The following RBFOX1 variants were observed in gnomAD, a reference collection of about 807,000 sequenced individuals.
RBFOX1 encodes RNA binding protein fox-1 homolog 1.
A neutral mutation model predicts 57.7 loss-of-function variants in RBFOX1; 8 were observed. That is an observed-to-expected ratio of 0.14 (90% CI 0.08 to 0.25). The LOEUF (loss-of-function observed/expected upper bound fraction) is 0.25, where lower values mean the gene tolerates loss of function less well. RBFOX1 is among the 10% of genes least tolerant of loss of function. The pLI is 1.00. For missense variants in RBFOX1, 611 were observed against 548.5 expected (o/e 1.11, Z -1.14); for synonymous variants, 326 against 222.4 (o/e 1.47, Z -4.15).
upstream of RBFOX1, among the ~76,000 whole-genome samples, chr16:6,018,140 A>G (rs1159845297): frequency 1.4e-5 from 2 of 148,086 alleles, no homozygotes; most frequent in Non-Finnish European, 3.0e-5. Flanking sequence ...CCCCTGGAAT[A>G]TTTGTGGAAA....
chr16:7,282,870 T>G (rs1214908881), intron 4 of RBFOX1, among the ~76,000 whole-genome samples: 1 of 152,208 alleles, frequency 6.6e-6, no homozygotes, highest in Non-Finnish European at 1.5e-5. Context: ...CTTAGAATAA[T>G]AGTCTCCAAT....
chr16:7,453,776 T>C (rs887646627), intron 4 of RBFOX1, among the ~76,000 whole-genome samples: 4 of 152,128 alleles, frequency 2.6e-5, no homozygotes, highest in Admixed American at 6.5e-5. Flanking sequence ...GACTGAAGTG[T>C]TGGGCACCCT....
chr16:5,481,111 G>C (rs978118480), intron 2 of RBFOX1, among the ~76,000 whole-genome samples: 6 of 152,196 alleles, frequency 3.9e-5, no homozygotes, highest in African/African-American at 1.2e-4. Context: ...GAGTTAGTTT[G>C]TTCCTCTTCT....
intron 3 of RBFOX1, among the ~76,000 whole-genome samples, chr16:6,915,584 T>C (rs1208591917): frequency 6.8e-6 from 1 of 146,024 alleles, no homozygotes; most frequent in Non-Finnish European, 1.5e-5. Context: ...AGTGTCTTGC[T>C]CTGTCACCCA....
chr16:6,030,226 G>C (rs1488065014), intron 1 of RBFOX1, among the ~76,000 whole-genome samples: 1 of 152,198 alleles, frequency 6.6e-6, no homozygotes, highest in Non-Finnish European at 1.5e-5. Flanking sequence ...GCCCTATGAT[G>C]ATATTTTTGA....
At chr16:6,107,122 G>T (rs2096390360) in intron 1 of RBFOX1, among the ~76,000 whole-genome samples, 1 of 152,200 alleles carries the variant, frequency 6.6e-6, no homozygotes, top group African/African-American at 2.4e-5. Flanking sequence ...TCCTTGGAAA[G>T]TGGTGGTTGT....
At chr16:5,762,473 C>T (rs755840862) in intron 3 of RBFOX1, among the ~76,000 whole-genome samples, 2 of 152,018 alleles carry the variant, frequency 1.3e-5, no homozygotes, top group Non-Finnish European at 2.9e-5. Flanking sequence ...TTTTGTGGGG[C>T]AGTTTGGCAA....
rs577883122 is a variant in RBFOX1, at chr16:6,386,873, A to AAGGCGG, written c.-64+69819_-64+69824dup. Reference sequence around the variant, plus strand: ...AGGAAGGGAAGTATGGGTGGTGAGAAAGGCGGAGAGCTGGAAAGATATTGG... The same window carrying AAGGCGG: ...AGGAAGGGAAGTATGGGTGGTGAGAAAGGCGGAGGCGGAGAGCTGGAAAGATATTGG... On this transcript the variant is annotated intron_variant, in intron 2 of 15. Transcript: ENST00000550418. Among the ~76,000 whole-genome samples, 29 of 152,310 alleles carry AAGGCGG rather than the reference A, an allele frequency of 1.9e-4. No individual in the cohort carries two copies. In the South Asian group the frequency reaches 5.8e-3, roughly 31 times the overall value.
At chr16:5,651,643 G>A (rs2151364634) in intron 3 of RBFOX1, among the ~76,000 whole-genome samples, 2 of 152,252 alleles carry the variant, frequency 1.3e-5, no homozygotes, top group East Asian at 3.9e-4. Flanking sequence ...CATCAGCTGT[G>A]TGAATTCCCA....
rs1053684480 is a variant in RBFOX1 at position 5,908,097 on chromosome 16, C to A, written c.351+40762C>A. Among the ~76,000 whole-genome samples the A allele has an allele frequency of 1.6e-4, 21 of 132,348 alleles. 1 individual carries two copies. The highest frequency in any genetic ancestry group is 6.7e-4 in the African/African-American group (21 of 31,180). 86.8% of individuals were successfully genotyped at this position (132,348 alleles called of 152,430 possible). A position where few individuals can be genotyped will look rare whatever the true frequency, so the allele number is the denominator to read the frequency against. ...ATATATATATATATACACATATATA[C>A]ACATATATATATACACATATATACA... On this transcript the variant is annotated intron_variant, in intron 4 of 19. Transcript: ENST00000641259.
chr16:7,457,443 G>A (rs768542946), intron 4 of RBFOX1, among the ~76,000 whole-genome samples: 8 of 152,120 alleles, frequency 5.3e-5, no homozygotes, highest in Non-Finnish European at 1.0e-4. Flanking sequence ...AAAATCACAC[G>A]TACACGGACA....
intron 3 of RBFOX1, among the ~76,000 whole-genome samples, chr16:6,852,576 G>T (rs182182242): frequency 6.6e-6 from 1 of 152,342 alleles, no homozygotes. Flanking sequence ...GTCCAGGAAA[G>T]GTGCATGTTG....
At chr16:7,069,605 C>T (rs563870312) in intron 4 of RBFOX1, among the ~76,000 whole-genome samples, 1 of 152,254 alleles carries the variant, frequency 6.6e-6, no homozygotes, top group Admixed American at 6.5e-5. Flanking sequence ...CCTGGGTAAG[C>T]AAGAAGCATC....
At chr16:5,734,424 C>T (rs577188441) in intron 3 of RBFOX1, among the ~76,000 whole-genome samples, 2 of 152,006 alleles carry the variant, frequency 1.3e-5, no homozygotes, top group Non-Finnish European at 2.9e-5. Flanking sequence ...CAAGATTCTG[C>T]CAAAAAATAA....
intron 2 of RBFOX1, among the ~76,000 whole-genome samples, chr16:6,405,519 G>C (rs562674838): frequency 8.5e-4 from 129 of 152,206 alleles, no homozygotes; most frequent in African/African-American, 3.0e-3. Flanking sequence ...ATGGAGAATT[G>C]TACACCAGCT....
chr16:6,651,527 C>T (rs1173060149), intron 2 of RBFOX1, among the ~76,000 whole-genome samples: 1 of 152,118 alleles, frequency 6.6e-6, no homozygotes, highest in African/African-American at 2.4e-5. Flanking sequence ...TCATGCCTGT[C>T]CTCTCTTCAT....
At chr16:7,289,017 C>T (rs920718789) in intron 4 of RBFOX1, among the ~76,000 whole-genome samples, 6 of 152,096 alleles carry the variant, frequency 3.9e-5, no homozygotes, top group Admixed American at 3.9e-4. Flanking sequence ...AGTATGGGCA[C>T]CCTGGAGGTT....
At chr16:7,661,082 T>G (rs547282272) in intron 12 of RBFOX1, among the ~76,000 whole-genome samples, 1 of 152,282 alleles carries the variant, frequency 6.6e-6, no homozygotes, top group African/African-American at 2.4e-5. Context: ...GTGGGAGTAA[T>G]GGTGCTCGTG....
chr16:6,612,863 A>AAAATAAT (rs59339311), intron 2 of RBFOX1, among the ~76,000 whole-genome samples: 2,297 of 132,176 alleles, frequency 0.017, 67 homozygotes, highest in African/African-American at 0.059. Flanking sequence ...AAAAAAAAAA[A>AAAATAAT]AATAATAATA....
Sources: allele counts gnomAD v4.1 joint callset (sites outside exome capture counted in the v4.1 genomes callset), GRCh38; gene constraint gnomAD v4.1.1; transcripts MANE v1.5; gene names NCBI Gene and HGNC (gene_info 2026-07-23, HGNC 2026-07-21).